The following PSMG4 variants were observed in gnomAD, a reference collection of about 807,000 sequenced individuals.
The protein encoded by PSMG4 is proteasome (prosome, macropain) assembly chaperone 4.
In PSMG4, 10 loss-of-function variants were observed where a neutral mutation model predicts 11.0. The ratio of observed to expected loss-of-function variants is 0.91; its 90% CI spans 0.56 to 1.54. The LOEUF is 1.54. PSMG4 is among the 40% of genes most tolerant of loss of function. The pLI, the probability that PSMG4 is intolerant of heterozygous loss-of-function variation, is 0.00. For synonymous variants in PSMG4, 95 were observed against 71.3 expected (o/e 1.33, Z -1.68); for missense variants, 198 against 160.9 (o/e 1.23, Z -1.25).
At chr6:3,255,141 C>CT, upstream of PSMG4, 8 of 1,551,006 alleles carry the variant, frequency 5.2e-6, no homozygotes, top group Non-Finnish European at 7.0e-6. Flanking sequence ...TGGTCATTCT[C>CT]TTTGAGGAGC....
intron 1 of PSMG4, among the ~76,000 whole-genome samples, chr6:3,260,050 C>A (rs947649147): frequency 6.6e-6 from 1 of 152,078 alleles, no homozygotes; most frequent in African/African-American, 2.4e-5. Context: ...AGTGATCCTC[C>A]TTCCTCAGCC....
intron 2 of PSMG4, chr6:3,265,205 G>T (rs13207416): frequency 0.83 from 126,216 of 152,012 alleles, 52,673 homozygotes; most frequent in Non-Finnish European, 0.87. Context: ...GTGCTGCAGA[G>T]CTCGGACCAA....
At chr6:3,256,225 G>T (rs1260973410), upstream of PSMG4, among the ~76,000 whole-genome samples, 1 of 152,156 alleles carries the variant, frequency 6.6e-6, no homozygotes, top group South Asian at 2.1e-4. Context: ...CACTATGATA[G>T]CTCCTACCCT....
upstream of PSMG4, among the ~76,000 whole-genome samples, chr6:3,255,498 C>A (rs1458202718): frequency 6.6e-6 from 1 of 152,148 alleles, no homozygotes; most frequent in East Asian, 1.9e-4. Context: ...ACCTAAACTG[C>A]CTGGCCAGGT....
upstream of PSMG4, among the ~76,000 whole-genome samples, chr6:3,258,547 T>C (rs1019835567): frequency 6.6e-6 from 1 of 152,138 alleles, no homozygotes; most frequent in African/African-American, 2.4e-5. Context: ...TAAAAATCAG[T>C]CTTTTTAAAT....
chr6:3,264,378 T>A, intron 2 of PSMG4: 1 of 1,525,138 alleles, frequency 6.6e-7, no homozygotes, highest in Non-Finnish European at 8.8e-7. Context: ...GTGGCCAGTG[T>A]GCACAGGATG....
upstream of PSMG4, among the ~76,000 whole-genome samples, chr6:3,254,689 A>G (rs1020834381): frequency 4.6e-5 from 7 of 152,128 alleles, no homozygotes; most frequent in African/African-American, 7.2e-5. Flanking sequence ...TAAACTCAAC[A>G]GAAAGAAGCT....
In PSMG4 at chr6:3,258,954, C is replaced by G. The variant is rs1224267522; in HGVS notation, c.-69C>G. 8.2e-7 allele frequency: 1 copy of G among 1,217,740 alleles called. No homozygotes were observed. Among genetic ancestry groups the G allele is most frequent in the Non-Finnish European group, 1.0e-6 (1 of 973,196 alleles). 75.4% of individuals were successfully genotyped at this position (1,217,740 alleles called of 1,614,324 possible). On this transcript the variant is annotated 5_prime_UTR_variant, in exon 1 of 3. It adds an upstream start codon to the 5' untranslated region. Coordinates refer to ENST00000438998, the MANE Select transcript of PSMG4 (RefSeq NM_001128591.2). ...CTCGGTCTCTCGGTGCTCGCTCCAT[C>G]GGGTCTGGCGGGGCTGGCAGCGGCG...
At chr6:3,255,735 T>C (rs1427242184), upstream of PSMG4, among the ~76,000 whole-genome samples, 4 of 152,172 alleles carry the variant, frequency 2.6e-5, no homozygotes, top group Non-Finnish European at 5.9e-5. Flanking sequence ...GTAAAACAGG[T>C]GGCAGTGGGC....
upstream of PSMG4, among the ~76,000 whole-genome samples, chr6:3,257,978 C>T (rs1048247908): frequency 6.6e-6 from 1 of 152,198 alleles, no homozygotes; most frequent in African/African-American, 2.4e-5. Flanking sequence ...TCAATTTAGT[C>T]AACTTAGATC....
chr6:3,258,914 GA>G (rs1757853536), upstream of PSMG4: 1 of 1,117,486 alleles, frequency 8.9e-7, no homozygotes, highest in Non-Finnish European at 1.1e-6. Flanking sequence ...TTCCGGGGCC[GA>G]AAGCGAAAGC....
intron 2 of PSMG4, chr6:3,265,257 G>C (rs960722598): frequency 6.9e-6 from 1 of 144,712 alleles, no homozygotes; most frequent in Admixed American, 7.1e-5. Flanking sequence ...CAGTTGCCTT[G>C]AGCCTGGGTC....
rs966238276 is a variant in PSMG4 at position 3,259,187 on chromosome 6, C to T, written c.165C>T (p.Cys55=). 1.8e-5 allele frequency: 24 copies of T among 1,307,484 alleles called. No individual in the cohort carries two copies. The highest frequency in any genetic ancestry group is 2.4e-5 in the South Asian group (1 of 41,666). 81.0% of individuals were successfully genotyped at this position (1,307,484 alleles called of 1,614,324 possible). Residue 55 remains cysteine, a synonymous_variant, in exon 1 of 3, where the codon TGC becomes TGT. Transcript: ENST00000438998. ...TGCGCAACCTCGCCGTGGCCATGTG[C>T]AGCCGCTACGTGAGTGCCTGGCGGC... The part of the protein sequence containing the change: ...PHLRNLAVAM[C]SRYDSIPVST...
At chr6:3,259,494 C>T (rs1333587072) in intron 1 of PSMG4, among the ~76,000 whole-genome samples, 27 of 152,362 alleles carry the variant, frequency 1.8e-4, no homozygotes, top group Admixed American at 1.4e-3. Flanking sequence ...CTGGGGGACG[C>T]GTCTGCCTCG....
upstream of PSMG4, chr6:3,255,105 C>A (rs116799328): frequency 6.4e-7 from 1 of 1,551,026 alleles, no homozygotes; most frequent in South Asian, 1.2e-5. Flanking sequence ...TGCATAGGAG[C>A]ACAACATCAC....
chr6:3,255,059 A>T (rs987441658), upstream of PSMG4: 14 of 1,550,744 alleles, frequency 9.0e-6, no homozygotes, highest in African/African-American at 1.5e-4. Flanking sequence ...AGGAACAAAC[A>T]CACTTGGAAT....
At chr6:3,255,324 C>T (rs1669102454), upstream of PSMG4, 4 of 1,494,950 alleles carry the variant, frequency 2.7e-6, no homozygotes, top group Non-Finnish European at 3.6e-6. Context: ...AGGCTAACGG[C>T]AACTGGTGGA....
intron 1 of PSMG4, among the ~76,000 whole-genome samples, chr6:3,260,986 T>C (rs4429990): frequency 0.68 from 103,952 of 152,002 alleles, 38,544 homozygotes; most frequent in Non-Finnish European, 0.83. Flanking sequence ...CACGGTGAGG[T>C]TTGTCTGCTT....
At chr6:3,267,503 G>T (rs2127266630) in intron 2 of PSMG4, 88 bp from the exon 3 acceptor site, 1 of 1,457,618 alleles carries the variant, frequency 6.9e-7, no homozygotes, top group South Asian at 1.3e-5. Flanking sequence ...TCCTCTTTCT[G>T]AGCATTTCCC....
Sources: gnomAD v4.1 joint callset for allele counts (sites outside exome capture counted in the v4.1 genomes callset) on GRCh38, gnomAD v4.1.1 for gene constraint, MANE v1.5 for transcripts, NCBI Gene and HGNC (gene_info 2026-07-23, HGNC 2026-07-21) for gene names.